NANOS3: variants seen among roughly 807,000 people sequenced by gnomAD.
NANOS3 encodes nanos C2HC-type zinc finger 3.
Under a neutral mutation model 13.8 loss-of-function variants are expected in NANOS3, and 11 were observed. The observed-to-expected ratio is 0.80, with a 90% confidence interval of 0.50 to 1.32. The LOEUF (loss-of-function observed/expected upper bound fraction) is 1.32. NANOS3 is among the 40% of genes most tolerant of loss of function. The pLI is 0.00. For synonymous variants in NANOS3, 119 were observed against 115.4 expected (o/e 1.03, Z -0.20); for missense variants, 221 against 263.8 (o/e 0.84, Z 1.12).
At chr19:13,864,001 C>T (rs1417338860), upstream of NANOS3, among the ~76,000 whole-genome samples, 1 of 152,122 alleles carries the variant, frequency 6.6e-6, no homozygotes, top group Non-Finnish European at 1.5e-5. Flanking sequence ...CTCCATCCCC[C>T]TCTCAGACTG....
At chr19:13,862,814 G>T (rs548175558), upstream of NANOS3, among the ~76,000 whole-genome samples, 3 of 152,338 alleles carry the variant, frequency 2.0e-5, no homozygotes, top group African/African-American at 7.2e-5. Context: ...TGTGATTACA[G>T]GTGTGAGCCA....
At chr19:13,868,659 G>A (rs953088182) in intron 1 of NANOS3, among the ~76,000 whole-genome samples, 1 of 149,574 alleles carries the variant, frequency 6.7e-6, no homozygotes, top group Non-Finnish European at 1.5e-5. Context: ...TCTAGCCTGG[G>A]TGACAGCGAG....
At chr19:13,869,721 C>T (rs140097499) in intron 1 of NANOS3, among the ~76,000 whole-genome samples, 368 of 151,760 alleles carry the variant, frequency 2.4e-3, no homozygotes, top group Non-Finnish European at 4.2e-3. Flanking sequence ...CTGACGACCT[C>T]CCCCACCCCG....
chr19:13,867,410 G>A (rs959434202), intron 1 of NANOS3, among the ~76,000 whole-genome samples: 2 of 151,932 alleles, frequency 1.3e-5, no homozygotes, highest in Non-Finnish European at 2.9e-5. Context: ...GAGAACAGGT[G>A]CGCACCACCA....
At chr19:13,873,338 G>T (rs1367472848), upstream of NANOS3, among the ~76,000 whole-genome samples, 1 of 151,248 alleles carries the variant, frequency 6.6e-6, no homozygotes, top group Non-Finnish European at 1.5e-5. Flanking sequence ...TGCCACCACC[G>T]TGAGGGGTGT....
At chr19:13,874,875 G>A (rs373207013), upstream of NANOS3, 21 of 524,750 alleles carry the variant, frequency 4.0e-5, 1 homozygote, top group African/African-American at 3.1e-4. Context: ...GCCTGGGCAC[G>A]TCCCCTCCCC....
chr19:13,878,939 C>A (rs1326248449), intron 1 of NANOS3, among the ~76,000 whole-genome samples: 1 of 149,894 alleles, frequency 6.7e-6, no homozygotes, highest in African/African-American at 2.5e-5. Context: ...TTCTTTCTTT[C>A]TTTTATTTGA....
chr19:13,872,037 G>T (rs117812776), intron 1 of NANOS3, among the ~76,000 whole-genome samples: 3,419 of 151,568 alleles, frequency 0.023, 51 homozygotes, highest in Non-Finnish European at 0.036. Context: ...CAACAAAAAA[G>T]AGAATAAAGA....
intron 1 of NANOS3, among the ~76,000 whole-genome samples, chr19:13,879,895 A>G (rs1040204241): frequency 6.6e-6 from 1 of 152,030 alleles, no homozygotes; most frequent in Admixed American, 6.6e-5. Flanking sequence ...GCATGGTGGC[A>G]TGCGCCTGTA....
In NANOS3 at chr19:13,880,050, C is replaced by T. The variant is rs114864945; in HGVS notation, c.518-392C>T. Among the ~76,000 whole-genome samples, 272 of 152,256 alleles carry T rather than the reference C, an allele frequency of 1.8e-3. 3 individuals are homozygous for T. Among genetic ancestry groups the T allele is most frequent in the African/African-American group, 6.3e-3 (262 of 41,556 alleles). ...CACAAAAAAAAGAAAGCATGAAAGA[C>T]TGCCTCCAGGAGAAGATAGTGTTTC... On this transcript the variant is annotated intron_variant, in intron 1 of 1. Transcript: ENST00000339133.
intron 1 of NANOS3, among the ~76,000 whole-genome samples, chr19:13,865,603 T>C (rs1976224385): frequency 2.0e-5 from 3 of 147,474 alleles, no homozygotes; most frequent in African/African-American, 5.0e-5. Flanking sequence ...TCCATTGTTG[T>C]TGGGGCTTGG....
upstream of NANOS3, among the ~76,000 whole-genome samples, chr19:13,865,103 T>C (rs1271321825): frequency 6.6e-6 from 1 of 151,548 alleles, no homozygotes; most frequent in Non-Finnish European, 1.5e-5. Flanking sequence ...CCCGAGTGCG[T>C]CCCGGTGCGC....
At chr19:13,880,375 T>C in intron 1 of NANOS3, 67 bp from the exon 2 acceptor site, 1 of 1,497,598 alleles carries the variant, frequency 6.7e-7, no homozygotes. Flanking sequence ...GCCGAGTCCG[T>C]GGGCAACTTG....
At chr19:13,865,910 A>C (rs1186064658) in intron 1 of NANOS3, among the ~76,000 whole-genome samples, 1 of 151,824 alleles carries the variant, frequency 6.6e-6, no homozygotes, top group Non-Finnish European at 1.5e-5. Context: ...ATCGAATGCC[A>C]GAAGAGAGTA....
upstream of NANOS3, among the ~76,000 whole-genome samples, chr19:13,864,915 C>T (rs1041409184): frequency 6.6e-6 from 1 of 152,074 alleles, no homozygotes; most frequent in South Asian, 2.1e-4. Flanking sequence ...TGTCTCGCAG[C>T]CCCCTGCACA....
intron 1 of NANOS3, among the ~76,000 whole-genome samples, chr19:13,871,333 C>T (rs2145070189): frequency 6.6e-6 from 1 of 152,220 alleles, no homozygotes. Flanking sequence ...ATAGTCCGAC[C>T]CAGACAGACG....
chr19:13,862,425 G>T (rs951366719), upstream of NANOS3, among the ~76,000 whole-genome samples: 12 of 152,290 alleles, frequency 7.9e-5, no homozygotes, highest in African/African-American at 2.6e-4. Context: ...GGACTCTGCT[G>T]CCCCCTGCTG....
chr19:13,871,900 A>T (rs1417954958), intron 1 of NANOS3, among the ~76,000 whole-genome samples: 1 of 151,994 alleles, frequency 6.6e-6, no homozygotes, highest in Non-Finnish European at 1.5e-5. Context: ...TTGGGAAGCT[A>T]AGGTGGGAGG....
upstream of NANOS3, among the ~76,000 whole-genome samples, chr19:13,876,371 G>C (rs972451730): frequency 1.1e-4 from 16 of 152,000 alleles, no homozygotes; most frequent in Admixed American, 6.6e-5. Flanking sequence ...TGTTAGCCAG[G>C]CTGGTCTCGA....
Sources: gnomAD v4.1 joint callset for allele counts (sites outside exome capture counted in the v4.1 genomes callset) on GRCh38, gnomAD v4.1.1 for gene constraint, MANE v1.5 for transcripts, NCBI Gene and HGNC (gene_info 2026-07-23, HGNC 2026-07-21) for gene names.